Variants in PRDM2 observed in about 807,000 individuals in gnomAD.
The protein encoded by PRDM2 is PR/SET domain 2, also known as PR domain zinc finger protein 2.
A neutral mutation model predicts 130.0 loss-of-function variants in PRDM2; 30 were observed. That is an observed-to-expected ratio of 0.23 (90% CI 0.17 to 0.31). The LOEUF is 0.31. Ranked by LOEUF, PRDM2 falls within the 10% of genes least tolerant of loss-of-function variation. PRDM2 has a pLI of 1.00. For missense variants in PRDM2, 2,011 were observed against 2,108.4 expected (o/e 0.95, Z 0.90); for synonymous variants, 871 against 782.4 (o/e 1.11, Z -1.89).
intron 5 of PRDM2, among the ~76,000 whole-genome samples, chr1:13,747,534 A>C (rs1327945059): frequency 6.6e-6 from 1 of 152,132 alleles, no homozygotes; most frequent in African/African-American, 2.4e-5. Flanking sequence ...GTTCAAAAAT[A>C]AGAAAAAGGC....
At chr1:13,762,660 T>C (rs1415922135) in intron 6 of PRDM2, among the ~76,000 whole-genome samples, 2 of 152,130 alleles carry the variant, frequency 1.3e-5, no homozygotes, top group African/African-American at 2.4e-5. Flanking sequence ...TCAAGGACAA[T>C]GTGGGATAAT....
At chr1:13,786,542 C>G (rs781222890) in intron 8 of PRDM2, 6 of 1,609,060 alleles carry the variant, frequency 3.7e-6, no homozygotes, top group African/African-American at 2.7e-5. Context: ...GCCCCCAAAA[C>G]AAAACAAACC....
At position 13,773,495 on chromosome 1, in the gene PRDM2, G is replaced by C. The variant is rs555508732; in HGVS notation, c.622+307G>C. On this transcript the variant is annotated intron_variant, in intron 7 of 9. Coordinates refer to ENST00000311066, the MANE Select transcript of PRDM2 (RefSeq NM_001393986.1). ...GGGAGGCTGAGCCAGAAGGATCTCT[G>C]GAGGCCAGGAGTTTGAGGCCAGCCC... 1.1e-3 allele frequency: 204 copies of C among 178,508 alleles called. 5 individuals carry two copies. The South Asian group carries it at 0.038, about 33-fold the overall frequency. 11.1% of individuals were successfully genotyped at this position (178,508 alleles called of 1,614,324 possible). A position where few individuals can be genotyped will look rare whatever the true frequency, so the allele number is the denominator to read the frequency against.
chr1:13,706,790 CA>C (rs1477663259), intron 1 of PRDM2, among the ~76,000 whole-genome samples: 1 of 149,570 alleles, frequency 6.7e-6, no homozygotes, highest in African/African-American at 2.5e-5. Flanking sequence ...ATTTTTTTTC[CA>C]AAAAAAGCTT....
At chr1:13,720,015 A>G (rs1353869162) in intron 2 of PRDM2, among the ~76,000 whole-genome samples, 1 of 152,120 alleles carries the variant, frequency 6.6e-6, no homozygotes, top group East Asian at 1.9e-4. Flanking sequence ...AATTGGTCTA[A>G]TCTATTCCGT....
intron 3 of PRDM2, among the ~76,000 whole-genome samples, chr1:13,731,992 G>T (rs1643126533): frequency 6.6e-6 from 1 of 152,080 alleles, no homozygotes; most frequent in African/African-American, 2.4e-5. Context: ...GTACATCCTA[G>T]CAGGATAGGA....
At chr1:13,721,357 A>G (rs1642723495) in intron 2 of PRDM2, among the ~76,000 whole-genome samples, 1 of 152,026 alleles carries the variant, frequency 6.6e-6, no homozygotes, top group South Asian at 2.1e-4. Context: ...TATATATGAT[A>G]TAAAAAGTTG....
intron 6 of PRDM2, among the ~76,000 whole-genome samples, chr1:13,759,761 G>GT (rs1402919065): frequency 6.6e-6 from 1 of 152,120 alleles, no homozygotes; most frequent in Non-Finnish European, 1.5e-5. Context: ...CTCCTTGACT[G>GT]TTTACACACG....
Position 13,812,149 on chromosome 1 carries a change from G to A in PRDM2, c.5037-4278G>A, listed in dbSNP as rs2463868. 9.4e-3 allele frequency among the ~76,000 whole-genome samples: 1,436 copies of A among 152,156 alleles called. 25 individuals are homozygous for A. The highest frequency in any genetic ancestry group is 0.033 in the African/African-American group (1,370 of 41,496). On this transcript the variant is annotated intron_variant, in intron 8 of 9. Coordinates refer to ENST00000311066, the MANE Select transcript of PRDM2 (RefSeq NM_001393986.1). ...TTGTTGCTTAGTGGAGAATGGATTG[G>A]TGGTGGGGGGGAGGGTGCAGCGTCG... is the stretch of plus-strand genomic sequence containing the variant.
rs1330359150 is a variant in PRDM2, at chr1:13,779,572, G to A, written c.1777G>A (p.Ala593Thr). 1.9e-6 allele frequency: 3 copies of A among 1,614,098 alleles called. No individual in the cohort carries two copies. Among genetic ancestry groups the A allele is most frequent in the Non-Finnish European group, 2.5e-6 (3 of 1,179,980 alleles). Reference protein sequence around the residue: ...CDVIEMESASADLYGINCLLT... With the variant: ...CDVIEMESASTDLYGINCLLT... ...TGTGATTGAGATGGAGTCTGCTTCGGCAGATTTGTATGGTATAAATTGTCT... is the reference window on the plus strand; with the variant it reads ...TGTGATTGAGATGGAGTCTGCTTCGACAGATTTGTATGGTATAAATTGTCT... Residue 593 changes from alanine to threonine, a missense_variant, in exon 8 of 10, where the codon GCA (alanine) becomes ACA (threonine). Transcript: ENST00000311066. This position sits in a 1 kb window ranked among gnomAD's most constrained non-coding sequence, Gnocchi z 4.9.
intron 1 of PRDM2, among the ~76,000 whole-genome samples, chr1:13,710,447 A>T (rs1642334509): frequency 6.6e-6 from 1 of 152,258 alleles, no homozygotes; most frequent in Non-Finnish European, 1.5e-5. Context: ...TGCTATTAAT[A>T]AATGTTTCTA....
At chr1:13,768,232 A>G (rs188386185) in intron 6 of PRDM2, among the ~76,000 whole-genome samples, 56 of 142,056 alleles carry the variant, frequency 3.9e-4, no homozygotes, top group Admixed American at 6.5e-4. Context: ...ACAGGCGCCC[A>G]CCACCACGCC....
At chr1:13,744,640 A>T (rs545510103) in intron 5 of PRDM2, among the ~76,000 whole-genome samples, 39 of 149,772 alleles carry the variant, frequency 2.6e-4, no homozygotes, top group Admixed American at 1.4e-3. Flanking sequence ...TAAACAAGCC[A>T]ATATATATAT....
At position 13,823,270 on chromosome 1, in the gene PRDM2, CGCGCGTGCATGTGT is replaced by C; in HGVS notation, c.*139_*152del. 1 of 1,456,918 alleles carries C rather than the reference CGCGCGTGCATGTGT, an allele frequency of 6.9e-7. No homozygotes were observed. The highest frequency in any genetic ancestry group is 9.6e-7 in the Non-Finnish European group (1 of 1,044,652). The allele number at this position is 1,456,918 out of a possible 1,614,324, so 90.2% of individuals were successfully genotyped here. ...CTGCGAGAGAAAGGGAGTGCATGTGCGCGCGTGCATGTGTGCGTGCGTGTGTGTTCACGTGTTCT... is the reference window on the plus strand; with the variant it reads ...CTGCGAGAGAAAGGGAGTGCATGTGCGCGTGCGTGTGTGTTCACGTGTTCT... On this transcript the variant is annotated 3_prime_UTR_variant, in exon 10 of 10. Transcript: ENST00000311066.
intron 6 of PRDM2, among the ~76,000 whole-genome samples, 175 bp from the exon 7 acceptor site, chr1:13,772,903 A>G (rs1644388949): frequency 6.6e-6 from 1 of 152,212 alleles, no homozygotes; most frequent in South Asian, 2.1e-4. Flanking sequence ...GAGTATTTAC[A>G]GTCATCATTC....
At chr1:13,785,772 G>T (rs139390733) in intron 8 of PRDM2, among the ~76,000 whole-genome samples, 73 of 146,882 alleles carry the variant, frequency 5.0e-4, no homozygotes, top group African/African-American at 1.6e-3. Flanking sequence ...GGAAAGAGGT[G>T]TATTCTCTAC....
chr1:13,720,177 C>T (rs533004457), intron 2 of PRDM2, among the ~76,000 whole-genome samples: 7 of 152,102 alleles, frequency 4.6e-5, no homozygotes, highest in East Asian at 3.9e-4. Flanking sequence ...TTAAATGAGA[C>T]GCTAATAAAA....
Position 13,773,069 on chromosome 1 carries a change from G to T in PRDM2, c.512-9G>T. On this transcript the variant is annotated splice_polypyrimidine_tract_variant and intron_variant, in intron 6 of 9. Coordinates refer to ENST00000311066, the MANE Select transcript of PRDM2 (RefSeq NM_001393986.1). The stretch of plus-strand genomic sequence containing the variant: ...ATGAATGAATAAATTAAAAAAAATT[G>T]TGTTTCAGGGAAGAAAAAATCCCAG... 7.1e-7 allele frequency: 1 copy of T among 1,412,530 alleles called. No individual in the cohort carries two copies. The highest frequency in any genetic ancestry group is 9.5e-7 in the Non-Finnish European group (1 of 1,055,014). The allele number at this position is 1,412,530 out of a possible 1,614,324, so 87.5% of individuals were successfully genotyped here.
chr1:13,801,280 C>T (rs1645002812), intron 8 of PRDM2, among the ~76,000 whole-genome samples: 1 of 152,206 alleles, frequency 6.6e-6, no homozygotes, highest in Admixed American at 6.5e-5. Flanking sequence ...TGCAGAATTC[C>T]CCTTGTGCGT....
Sources: allele counts gnomAD v4.1 joint callset (sites outside exome capture counted in the v4.1 genomes callset), GRCh38; gene constraint gnomAD v4.1.1; non-coding constraint Gnocchi (gnomAD v3.1); transcripts MANE v1.5; gene names NCBI Gene and HGNC (gene_info 2026-07-23, HGNC 2026-07-21).